Variants in MCTP2 observed in about 807,000 individuals in gnomAD.
The protein encoded by MCTP2 is multiple C2 and transmembrane domain containing 2.
A neutral mutation model predicts 111.6 loss-of-function variants in MCTP2; 132 were observed. That is an observed-to-expected ratio of 1.18 (90% CI 1.03 to 1.37). MCTP2 has a LOEUF of 1.37. MCTP2 is among the 40% of genes most tolerant of loss of function. The probability of loss-of-function intolerance (pLI) is 0.00; values close to 1 mark genes in which losing one functional copy is unlikely to be tolerated. For synonymous variants in MCTP2, 395 were observed against 387.7 expected (o/e 1.02, Z -0.22); for missense variants, 1,183 against 1,067.9 (o/e 1.11, Z -1.50).
intron 3 of MCTP2, 49 bp downstream of exon 3, chr15:94,314,393 C>T (rs1159362589): frequency 3.1e-6 from 4 of 1,299,462 alleles, no homozygotes; most frequent in African/African-American, 1.5e-5. Flanking sequence ...AGATATTTCT[C>T]ATCAAATGTT....
At chr15:94,399,684 A>G (rs1039200235) in intron 15 of MCTP2, 5 of 409,210 alleles carry the variant, frequency 1.2e-5, no homozygotes, top group Admixed American at 8.1e-5. Flanking sequence ...CCCCCAAGGA[A>G]TGAGCAAAGT....
At chr15:94,291,042 A>T (rs1294371161) in intron 1 of MCTP2, among the ~76,000 whole-genome samples, 1 of 152,248 alleles carries the variant, frequency 6.6e-6, no homozygotes, top group Non-Finnish European at 1.5e-5. Flanking sequence ...ATGGACATTT[A>T]TACAATACTC....
intron 1 of MCTP2, among the ~76,000 whole-genome samples, chr15:94,247,983 G>A (rs929389646): frequency 1.1e-4 from 16 of 152,150 alleles, no homozygotes; most frequent in Admixed American, 7.2e-4. Context: ...GTATTGCAGG[G>A]TGGTATTGAG....
At chr15:94,366,234 A>G (rs2079178257) in intron 10 of MCTP2, among the ~76,000 whole-genome samples, 1 of 152,224 alleles carries the variant, frequency 6.6e-6, no homozygotes, top group African/African-American at 2.4e-5. Flanking sequence ...TTATTTAAAA[A>G]TACTTTTTTT....
At chr15:94,297,022 G>T (rs1483420905) in intron 1 of MCTP2, among the ~76,000 whole-genome samples, 1 of 152,146 alleles carries the variant, frequency 6.6e-6, no homozygotes, top group Admixed American at 6.5e-5. Flanking sequence ...CTGGGGTGGG[G>T]CACAACAGCC....
chr15:94,291,939 G>A (rs528598353), intron 1 of MCTP2, among the ~76,000 whole-genome samples: 1 of 152,254 alleles, frequency 6.6e-6, no homozygotes, highest in East Asian at 1.9e-4. Context: ...ACACATTAGT[G>A]TGGCTACATT....
intron 20 of MCTP2, among the ~76,000 whole-genome samples, chr15:94,465,692 A>G (rs2073216248): frequency 6.6e-6 from 1 of 152,130 alleles, no homozygotes; most frequent in Non-Finnish European, 1.5e-5. Context: ...TCCCTGCAGA[A>G]TTAATGATGC....
At chr15:94,244,251 T>TAC (rs1444003291) in intron 1 of MCTP2, among the ~76,000 whole-genome samples, 24 of 141,524 alleles carry the variant, frequency 1.7e-4, no homozygotes, top group South Asian at 6.5e-4. Flanking sequence ...TGTATACACA[T>TAC]ATGTGTATAT....
intron 1 of MCTP2, among the ~76,000 whole-genome samples, chr15:94,242,422 C>G (rs891125374): frequency 6.6e-6 from 1 of 152,196 alleles, no homozygotes. Flanking sequence ...AATAAGCAAA[C>G]CTACAGAGGT....
rs183382480 is a variant in MCTP2 at position 94,269,155 on chromosome 15, G to A, written c.-65-29046G>A. ...TATAAAGGGCCCATTGAAGTATCTC[G>A]TGTTGACACACTGAGGTTGGTTAGT... On this transcript the variant is annotated intron_variant, in intron 1 of 22. Coordinates refer to ENST00000357742, the MANE Select transcript of MCTP2 (RefSeq NM_001385001.1). 1.1e-3 allele frequency among the ~76,000 whole-genome samples: 175 copies of A among 152,218 alleles called. 1 individual carries two copies. Among genetic ancestry groups the A allele is most frequent in the Admixed American group, 2.0e-3 (31 of 15,302 alleles).
intron 17 of MCTP2, chr15:94,402,406 C>G: frequency 6.6e-7 from 1 of 1,516,448 alleles, no homozygotes; most frequent in Non-Finnish European, 8.9e-7. Context: ...AAATTATTCC[C>G]AAACTTTGAT....
At chr15:94,372,547 C>G (rs1028005801) in intron 12 of MCTP2, among the ~76,000 whole-genome samples, 2 of 152,180 alleles carry the variant, frequency 1.3e-5, no homozygotes, top group Admixed American at 1.3e-4. Flanking sequence ...TCAGGCATTA[C>G]TGCTGTTATC....
At chr15:94,243,273 G>A (rs1036020303) in intron 1 of MCTP2, among the ~76,000 whole-genome samples, 5 of 148,192 alleles carry the variant, frequency 3.4e-5, no homozygotes, top group East Asian at 4.1e-4. Context: ...ATACGTATGC[G>A]TACATACGTA....
intron 4 of MCTP2, among the ~76,000 whole-genome samples, chr15:94,316,189 C>T (rs1439403396): frequency 1.3e-5 from 2 of 152,126 alleles, no homozygotes; most frequent in African/African-American, 4.8e-5. Context: ...CATGCTTTTC[C>T]ATGTACATAT....
chr15:94,415,968 G>A (rs979959466), intron 17 of MCTP2, among the ~76,000 whole-genome samples: 2 of 152,076 alleles, frequency 1.3e-5, no homozygotes, highest in Admixed American at 6.5e-5. Context: ...AGGAAATATC[G>A]GGGAGCTGTC....
chr15:94,422,049 A>T (rs1450970020), intron 17 of MCTP2, among the ~76,000 whole-genome samples: 1 of 152,160 alleles, frequency 6.6e-6, no homozygotes, highest in African/African-American at 2.4e-5. Flanking sequence ...TTAAACTGAG[A>T]GTGGCTGGGA....
In MCTP2 at chr15:94,476,641, T is replaced by TAGAC. The variant is rs1332398152; in HGVS notation, c.2471-52_2471-51insCAGA. 5.7e-6 allele frequency: 5 copies of TAGAC among 883,532 alleles called. No homozygotes were observed. The African/African-American group carries it at 8.6e-5, about 15-fold the overall frequency. 54.7% of individuals were successfully genotyped at this position (883,532 alleles called of 1,614,324 possible). The stretch of plus-strand genomic sequence containing the variant: ...ATAGATAGATAGATAGATAGATAGA[T>TAGAC]AGATAGATAGACAGACAGACAGATA... On this transcript the variant is annotated intron_variant, in intron 21 of 22. Transcript: ENST00000357742.
chr15:94,233,950 C>T (rs1038716144), intron 1 of MCTP2, among the ~76,000 whole-genome samples: 1 of 152,098 alleles, frequency 6.6e-6, no homozygotes, highest in African/African-American at 2.4e-5. Flanking sequence ...GAATTGTTGC[C>T]AGTTAACTGT....
chr15:94,319,270 A>G (rs1222229593), intron 4 of MCTP2, among the ~76,000 whole-genome samples: 3 of 152,186 alleles, frequency 2.0e-5, no homozygotes, highest in Non-Finnish European at 2.9e-5. Context: ...AGGGGTCCTC[A>G]TTACTAATAC....
Sources: allele counts gnomAD v4.1 joint callset (sites outside exome capture counted in the v4.1 genomes callset), GRCh38; gene constraint gnomAD v4.1.1; transcripts MANE v1.5; gene names NCBI Gene and HGNC (gene_info 2026-07-23, HGNC 2026-07-21).